RAPGEF4: variants seen among roughly 807,000 people sequenced by gnomAD.
RAPGEF4 encodes RAP guanine-nucleotide-exchange factor (GEF) 4.
A neutral mutation model predicts 147.9 loss-of-function variants in RAPGEF4; 66 were observed. That is an observed-to-expected ratio of 0.45 (90% CI 0.37 to 0.55). The LOEUF (loss-of-function observed/expected upper bound fraction) is 0.55. RAPGEF4 is among the 20% of genes least tolerant of loss of function. RAPGEF4 has a pLI of 0.00. For missense variants in RAPGEF4, 1,071 were observed against 1,257.3 expected (o/e 0.85, Z 2.24); for synonymous variants, 419 against 442.7 (o/e 0.95, Z 0.67).
chr2:172,747,751 C>T (rs893989913), intron 1 of RAPGEF4, among the ~76,000 whole-genome samples: 1 of 152,204 alleles, frequency 6.6e-6, no homozygotes, highest in Non-Finnish European at 1.5e-5. Flanking sequence ...GCAGGAGCCA[C>T]TGTGTCCAGC....
chr2:172,870,080 C>T (rs563467519), intron 4 of RAPGEF4, among the ~76,000 whole-genome samples: 1 of 152,218 alleles, frequency 6.6e-6, no homozygotes, highest in South Asian at 2.1e-4. Flanking sequence ...AGTCCCGCTG[C>T]CTTCCTATTA....
intron 3 of RAPGEF4, among the ~76,000 whole-genome samples, chr2:172,810,319 A>C (rs990402317): frequency 6.6e-6 from 1 of 152,210 alleles, no homozygotes; most frequent in African/African-American, 2.4e-5. Context: ...ATTTGTTTTG[A>C]GTCAGGCACT....
intron 1 of RAPGEF4, among the ~76,000 whole-genome samples, chr2:172,775,999 T>C (rs1559035487): frequency 6.6e-6 from 1 of 152,214 alleles, no homozygotes; most frequent in Non-Finnish European, 1.5e-5. Flanking sequence ...GTATTTTGAC[T>C]TAGCAATAGA....
intron 2 of RAPGEF4, 108 bp downstream of exon 2, chr2:172,795,275 A>G: frequency 8.6e-7 from 1 of 1,162,514 alleles, no homozygotes; most frequent in Non-Finnish European, 1.2e-6. Flanking sequence ...TAAATATTTG[A>G]GCTTCAACCA....
At chr2:172,740,576 C>T (rs1424328595) in intron 1 of RAPGEF4, among the ~76,000 whole-genome samples, 1 of 152,132 alleles carries the variant, frequency 6.6e-6, no homozygotes, top group Non-Finnish European at 1.5e-5. Flanking sequence ...AACCAAAATG[C>T]TTTGTAGCAC....
chr2:172,884,698 T>A (rs921680772), intron 4 of RAPGEF4, among the ~76,000 whole-genome samples: 1 of 152,238 alleles, frequency 6.6e-6, no homozygotes, highest in African/African-American at 2.4e-5. Context: ...TAAAGGTCTG[T>A]TCTGAATGAT....
intron 16 of RAPGEF4, among the ~76,000 whole-genome samples, chr2:172,997,324 T>C (rs1339008318): frequency 6.6e-6 from 1 of 152,176 alleles, no homozygotes; most frequent in Non-Finnish European, 1.5e-5. Context: ...TTACCCCTTT[T>C]TATAAGGATG....
At chr2:172,763,081 C>G (rs866580471) in intron 1 of RAPGEF4, among the ~76,000 whole-genome samples, 1 of 152,148 alleles carries the variant, frequency 6.6e-6, no homozygotes, top group Non-Finnish European at 1.5e-5. Flanking sequence ...CACAGTAAAT[C>G]TTTTTCTAAC....
At chr2:172,797,436 G>A (rs1219067623) in intron 2 of RAPGEF4, 89 bp from the exon 3 acceptor site, 2 of 1,021,138 alleles carry the variant, frequency 2.0e-6, no homozygotes, top group Non-Finnish European at 3.0e-6. Context: ...TTAGGTCCAA[G>A]ACATGCTTGG....
At chr2:173,044,922 C>T (rs950127610) in intron 29 of RAPGEF4, among the ~76,000 whole-genome samples, 2 of 152,162 alleles carry the variant, frequency 1.3e-5, no homozygotes, top group Non-Finnish European at 2.9e-5. Context: ...TCCCCCACTC[C>T]GGCCTGGCGT....
intron 6 of RAPGEF4, among the ~76,000 whole-genome samples, chr2:172,925,807 AAG>A (rs1196249327): frequency 5.6e-5 from 8 of 142,150 alleles, no homozygotes; most frequent in Admixed American, 3.6e-4. Context: ...GAAAGAAAGA[AAG>A]AGAGAGAGAA....
At chr2:173,007,318 G>A (rs1377539940) in intron 17 of RAPGEF4, among the ~76,000 whole-genome samples, 3 of 152,212 alleles carry the variant, frequency 2.0e-5, no homozygotes, top group African/African-American at 7.2e-5. Flanking sequence ...AAAATATTCT[G>A]AGCAAGAAAA....
Position 172,814,238 on chromosome 2 carries a change from G to A in RAPGEF4, c.298-41G>A, listed in dbSNP as rs749598893. 75 of 1,604,942 alleles carry A rather than the reference G, an allele frequency of 4.7e-5. No individual in the cohort carries two copies. The East Asian group carries it at 1.7e-3, about 36-fold the overall frequency. Reference sequence around the variant, plus strand: ...AAGAAAAGAAAACACCTACCCATTAGATGTTTAATTTTCTAATGACTAGTT... The same window carrying A: ...AAGAAAAGAAAACACCTACCCATTAAATGTTTAATTTTCTAATGACTAGTT... On this transcript the variant is annotated intron_variant, in intron 3 of 30. Transcript: ENST00000397081.
intron 7 of RAPGEF4, 71 bp from the exon 8 acceptor site, chr2:172,961,051 A>G (rs1398409394): frequency 1.7e-6 from 2 of 1,198,266 alleles, no homozygotes; most frequent in Admixed American, 1.8e-5. Flanking sequence ...TGGTTTCAGG[A>G]TTTGTTTGGT....
chr2:172,940,368 G>C (rs1434221726), intron 6 of RAPGEF4, among the ~76,000 whole-genome samples: 1 of 152,072 alleles, frequency 6.6e-6, no homozygotes, highest in Non-Finnish European at 1.5e-5. Flanking sequence ...CTGGAGGTGA[G>C]GTCTGGTAGG....
intron 10 of RAPGEF4, among the ~76,000 whole-genome samples, chr2:172,972,195 C>T (rs1432725223): frequency 6.6e-6 from 1 of 152,192 alleles, no homozygotes; most frequent in East Asian, 1.9e-4. Flanking sequence ...ATTCCACACA[C>T]TTGCTCTAGA....
At chr2:172,839,208 G>A (rs1471849928) in intron 4 of RAPGEF4, among the ~76,000 whole-genome samples, 1 of 152,024 alleles carries the variant, frequency 6.6e-6, no homozygotes, top group South Asian at 2.1e-4. Flanking sequence ...GTAGGAACGG[G>A]GGTCCAAGAA....
At chr2:172,742,951 T>C (rs894184042) in intron 1 of RAPGEF4, among the ~76,000 whole-genome samples, 1 of 152,202 alleles carries the variant, frequency 6.6e-6, no homozygotes, top group African/African-American at 2.4e-5. Context: ...TGGAGTTCTC[T>C]CAAATGGATT....
chr2:172,926,958 A>G (rs115678094), intron 6 of RAPGEF4, among the ~76,000 whole-genome samples: 1 of 152,202 alleles, frequency 6.6e-6, no homozygotes, highest in Non-Finnish European at 1.5e-5. Flanking sequence ...TCTCGCTATA[A>G]ATCACCATCA....
Sources: gnomAD v4.1 joint callset for allele counts (sites outside exome capture counted in the v4.1 genomes callset) on GRCh38, gnomAD v4.1.1 for gene constraint, MANE v1.5 for transcripts, NCBI Gene and HGNC (gene_info 2026-07-23, HGNC 2026-07-21) for gene names.